COL8A1: variants seen among roughly 807,000 people sequenced by gnomAD.
COL8A1 encodes collagen alpha-1(VIII) chain.
COL8A1 carries 21 observed loss-of-function variants against 42.7 expected under a neutral mutation model. The ratio of observed to expected loss-of-function variants is 0.49; its 90% CI spans 0.35 to 0.71. COL8A1 has a LOEUF of 0.71. Among genes scored for constraint, COL8A1 ranks in the 30% least tolerant of loss-of-function variants. The pLI is 0.01. For synonymous variants in COL8A1, 367 were observed against 369.1 expected (o/e 0.99, Z 0.06); for missense variants, 788 against 962.4 (o/e 0.82, Z 2.40).
chr3:99,710,894 G>A (rs572363838), intron 1 of COL8A1, among the ~76,000 whole-genome samples: 1 of 152,254 alleles, frequency 6.6e-6, no homozygotes, highest in South Asian at 2.1e-4. Flanking sequence ...TCTTGAAGAA[G>A]TAGGTAAATG....
chr3:99,792,751 T>C (rs1252843973), intron 3 of COL8A1, among the ~76,000 whole-genome samples: 3 of 152,228 alleles, frequency 2.0e-5, no homozygotes, highest in Non-Finnish European at 4.4e-5. Flanking sequence ...TTCTAAAATA[T>C]CTTATTCATC....
chr3:99,715,373 CA>C (rs1208305812), intron 1 of COL8A1, among the ~76,000 whole-genome samples: 1 of 152,026 alleles, frequency 6.6e-6, no homozygotes, highest in African/African-American at 2.4e-5. Context: ...ATAGAGCTGA[CA>C]GGTCTTACAG....
At chr3:99,684,461 T>C (rs938465756) in intron 1 of COL8A1, among the ~76,000 whole-genome samples, 6 of 152,144 alleles carry the variant, frequency 3.9e-5, no homozygotes, top group Non-Finnish European at 7.3e-5. Flanking sequence ...TTTATTGGCA[T>C]TTGGTCCTGA....
chr3:99,682,122 C>T (rs4346581), intron 1 of COL8A1, among the ~76,000 whole-genome samples: 6,052 of 152,168 alleles, frequency 0.04, 214 homozygotes, highest in African/African-American at 0.079. Flanking sequence ...TGTGAAATAA[C>T]TAGAAGTGCC....
At chr3:99,736,915 C>T (rs1940738523) in intron 1 of COL8A1, among the ~76,000 whole-genome samples, 1 of 152,172 alleles carries the variant, frequency 6.6e-6, no homozygotes, top group Admixed American at 6.5e-5. Flanking sequence ...TCTTGGTCCT[C>T]CTGTATTGGG....
chr3:99,679,192 C>A (rs184194350), intron 1 of COL8A1: 3 of 152,292 alleles, frequency 2.0e-5, no homozygotes, highest in Admixed American at 6.5e-5. Context: ...TGAAAATACT[C>A]ATTAGGTAAT....
chr3:99,779,766 T>C (rs1287384139), intron 2 of COL8A1, among the ~76,000 whole-genome samples: 1 of 152,206 alleles, frequency 6.6e-6, no homozygotes, highest in Non-Finnish European at 1.5e-5. Flanking sequence ...AGTCTTAAAT[T>C]GCATACTCAG....
chr3:99,649,992 G>A (rs1274278470), intron 1 of COL8A1, among the ~76,000 whole-genome samples: 1 of 151,728 alleles, frequency 6.6e-6, no homozygotes. Context: ...GGATTTAATG[G>A]CATTATGAAA....
At chr3:99,674,921 T>G (rs1938648608) in intron 1 of COL8A1, among the ~76,000 whole-genome samples, 1 of 152,136 alleles carries the variant, frequency 6.6e-6, no homozygotes, top group Non-Finnish European at 1.5e-5. Context: ...TAGCATTAGT[T>G]TCTCCACTAC....
At chr3:99,705,399 C>T (rs938491386) in intron 1 of COL8A1, among the ~76,000 whole-genome samples, 1 of 152,144 alleles carries the variant, frequency 6.6e-6, no homozygotes, top group African/African-American at 2.4e-5. Flanking sequence ...GTCCCAGTGG[C>T]AAATAGAAAG....
chr3:99,788,522 T>C (rs905051269), intron 2 of COL8A1, among the ~76,000 whole-genome samples: 1 of 152,212 alleles, frequency 6.6e-6, no homozygotes, highest in Non-Finnish European at 1.5e-5. Flanking sequence ...AAAAGTAGAA[T>C]TAAGTACCAG....
chr3:99,775,181 T>C (rs1941671731), intron 2 of COL8A1, among the ~76,000 whole-genome samples: 1 of 152,064 alleles, frequency 6.6e-6, no homozygotes. Flanking sequence ...AGGGATAAAA[T>C]ACCAATATGA....
chr3:99,703,475 TG>T (rs1939598038), intron 1 of COL8A1: 1 of 152,196 alleles, frequency 6.6e-6, no homozygotes, highest in African/African-American at 2.4e-5. Context: ...ATCATTGGAA[TG>T]AGATCACTAG....
chr3:99,690,719 G>T (rs1386533617), intron 1 of COL8A1, among the ~76,000 whole-genome samples: 1 of 152,076 alleles, frequency 6.6e-6, no homozygotes, highest in Admixed American at 6.6e-5. Context: ...ACAGAATGTG[G>T]GCCCTAGTCA....
At chr3:99,691,725 C>G (rs1337172999) in intron 1 of COL8A1, 1 of 143,196 alleles carries the variant, frequency 7.0e-6, no homozygotes, top group Non-Finnish European at 1.5e-5. Flanking sequence ...AAAAAAGCCT[C>G]TAGTAATCCA....
intron 1 of COL8A1, among the ~76,000 whole-genome samples, chr3:99,640,180 G>A (rs1293905774): frequency 6.6e-6 from 1 of 152,218 alleles, no homozygotes; most frequent in Admixed American, 6.5e-5. Flanking sequence ...ATTGCAAGAA[G>A]TGCAGTTTCC....
At chr3:99,644,743 C>A (rs567500953) in intron 1 of COL8A1, among the ~76,000 whole-genome samples, 20 of 152,310 alleles carry the variant, frequency 1.3e-4, no homozygotes, top group Non-Finnish European at 2.8e-4. Flanking sequence ...GGCATTGGAT[C>A]ATTTGATGTG....
chr3:99,770,839 T>C (rs941997005), intron 2 of COL8A1, among the ~76,000 whole-genome samples: 1 of 152,152 alleles, frequency 6.6e-6, no homozygotes, highest in Non-Finnish European at 1.5e-5. Context: ...AGATAGGCAA[T>C]GAATAAATTA....
At chr3:99,660,232 A>G (rs1228298281) in intron 1 of COL8A1, among the ~76,000 whole-genome samples, 2 of 152,238 alleles carry the variant, frequency 1.3e-5, no homozygotes, top group Non-Finnish European at 2.9e-5. Flanking sequence ...TAAGCTCTCC[A>G]AAGTCAGTGT....
Sources: gnomAD v4.1 joint callset for allele counts (sites outside exome capture counted in the v4.1 genomes callset) on GRCh38, gnomAD v4.1.1 for gene constraint, MANE v1.5 for transcripts, NCBI Gene and HGNC (gene_info 2026-07-23, HGNC 2026-07-21) for gene names.